The following IL7 variants were observed in gnomAD, a reference collection of about 807,000 sequenced individuals.
IL7 encodes the protein interleukin 7, also known as interleukin-7.
IL7 carries 3 observed loss-of-function variants against 21.6 expected under a neutral mutation model. The observed-to-expected ratio is 0.14, with a 90% CI of 0.06 to 0.36. IL7 has a LOEUF of 0.36. Ranked by LOEUF, IL7 falls within the 10% of genes least tolerant of loss-of-function variation. IL7 has a pLI of 1.00. For synonymous variants in IL7, 62 were observed against 68.1 expected (o/e 0.91, Z 0.44); for missense variants, 175 against 200.2 (o/e 0.87, Z 0.76).
At chr8:78,684,000 T>G (rs1809872557) in intron 4 of IL7, among the ~76,000 whole-genome samples, 1 of 152,222 alleles carries the variant, frequency 6.6e-6, no homozygotes. Context: ...GACTTTGTTG[T>G]CCATATCACT....
intron 3 of IL7, among the ~76,000 whole-genome samples, chr8:78,699,595 T>A (rs1810536315): frequency 6.6e-6 from 1 of 152,130 alleles, no homozygotes; most frequent in Admixed American, 6.5e-5. Context: ...CATCAGTTAT[T>A]TTTCCTGATT....
chr8:78,745,274 T>C (rs2919919), intron 2 of IL7, among the ~76,000 whole-genome samples: 32,805 of 152,266 alleles, frequency 0.22, 3,879 homozygotes, highest in Middle Eastern at 0.35. Context: ...AAAAAATGAA[T>C]CTTCTATTGA....
At chr8:78,778,364 A>T (rs1030796625) in intron 2 of IL7, among the ~76,000 whole-genome samples, 3 of 152,112 alleles carry the variant, frequency 2.0e-5, no homozygotes, top group African/African-American at 7.2e-5. Flanking sequence ...TAAAATTGTT[A>T]TTCCACTCTG....
chr8:78,804,894 A>C lies in IL7; in HGVS notation c.10+19T>G, dbSNP rs747849745. 4 of 1,613,010 alleles carry C rather than the reference A, an allele frequency of 2.5e-6. No homozygotes were observed. The South Asian group carries it at 3.3e-5, about 13-fold the overall frequency. On this transcript the variant is annotated intron_variant, in intron 1 of 5. Coordinates refer to ENST00000263851, the MANE Select transcript of IL7 (RefSeq NM_000880.4). Reference sequence around the variant, plus strand: ...GCGTCGGGCGCGCGAACTTGTGCGCAAGGGAGAAGAGCGCTTACCATGGAA... The same window carrying C: ...GCGTCGGGCGCGCGAACTTGTGCGCCAGGGAGAAGAGCGCTTACCATGGAA...
At chr8:78,784,789 T>C (rs1216820845) in intron 2 of IL7, among the ~76,000 whole-genome samples, 2 of 152,106 alleles carry the variant, frequency 1.3e-5, no homozygotes, top group Admixed American at 6.5e-5. Context: ...GAAGTGAATT[T>C]TGTGCTATCA....
In IL7 at chr8:78,702,862, G is replaced by A. The variant is rs372869236; in HGVS notation, n.215-16915C>T. 5.9e-5 allele frequency among the ~76,000 whole-genome samples: 9 copies of A among 152,068 alleles called. 2 individuals carry two copies. Among genetic ancestry groups the A allele is most frequent in the South Asian group, 2.1e-4 (1 of 4,784 alleles). ...TTTCAGTTCTTTTGCTTTTACTGAG[G>A]ATGTTTTACATCCAATTATGTGATC... On this transcript the variant is annotated intron_variant and non_coding_transcript_variant, in intron 3 of 4. Coordinates refer to the IL7 transcript ENST00000523959.
In IL7 at chr8:78,767,293, G is replaced by A. The variant is rs368554602; in HGVS notation, c.148-27211C>T. Among the ~76,000 whole-genome samples the A allele has an allele frequency of 3.3e-5, 5 of 151,990 alleles. No homozygotes were observed. The East Asian group carries it at 7.7e-4, about 23-fold the overall frequency. ...AACAAGTGAGTGTGTGTGTGTGAGTGTGAACAATCAGGTTAATTTTGGAGT... is the reference window on the plus strand; with the variant it reads ...AACAAGTGAGTGTGTGTGTGTGAGTATGAACAATCAGGTTAATTTTGGAGT... On this transcript the variant is annotated intron_variant, in intron 2 of 5. Transcript: ENST00000263851.
chr8:78,731,400 G>T (rs1285220270), downstream of IL7, among the ~76,000 whole-genome samples: 3 of 151,740 alleles, frequency 2.0e-5, no homozygotes, highest in Non-Finnish European at 2.9e-5. Context: ...TTAAGTTTTA[G>T]AAATGCTATA....
At chr8:78,755,028 C>T (rs2130745214) in intron 2 of IL7, among the ~76,000 whole-genome samples, 1 of 152,170 alleles carries the variant, frequency 6.6e-6, no homozygotes, top group African/African-American at 2.4e-5. Context: ...AGATAGGGGT[C>T]TAGTTTCCTT....
chr8:78,687,033 A>G (rs1025035772), intron 3 of IL7, among the ~76,000 whole-genome samples: 2 of 152,150 alleles, frequency 1.3e-5, no homozygotes, highest in Non-Finnish European at 2.9e-5. Flanking sequence ...TAAAATGTAT[A>G]ATTCATGTGG....
At chr8:78,766,330 G>A (rs776028951) in intron 2 of IL7, among the ~76,000 whole-genome samples, 14 of 152,042 alleles carry the variant, frequency 9.2e-5, no homozygotes, top group Admixed American at 3.9e-4. Flanking sequence ...ATAGACTTTG[G>A]GTGACAATGA....
At chr8:78,712,676 C>T (rs1420894838) in intron 3 of IL7, among the ~76,000 whole-genome samples, 1 of 152,118 alleles carries the variant, frequency 6.6e-6, no homozygotes, top group East Asian at 1.9e-4. Context: ...CCAGTTCTGA[C>T]CTGGCTGGCT....
intron 1 of IL7, among the ~76,000 whole-genome samples, chr8:78,802,437 T>C (rs1021860070): frequency 1.3e-5 from 2 of 150,914 alleles, no homozygotes; most frequent in African/African-American, 2.4e-5. Flanking sequence ...TCTCTCTCTT[T>C]TTTTTTTTTT....
At chr8:78,804,845 C>A in intron 1 of IL7, 68 bp downstream of exon 1, 1 of 1,599,202 alleles carries the variant, frequency 6.3e-7, no homozygotes, top group South Asian at 1.1e-5. Flanking sequence ...CAGGGGCCCC[C>A]AGCGCGTCTG....
At chr8:78,684,113 C>T (rs571268162) in intron 4 of IL7, among the ~76,000 whole-genome samples, 6 of 152,272 alleles carry the variant, frequency 3.9e-5, no homozygotes, top group East Asian at 1.9e-4. Flanking sequence ...AGCCTCTGCT[C>T]GTTACCCAGT....
chr8:78,752,234 A>T (rs1812198477), intron 2 of IL7, among the ~76,000 whole-genome samples: 1 of 152,250 alleles, frequency 6.6e-6, no homozygotes, highest in Non-Finnish European at 1.5e-5. Context: ...TGCAATAAAC[A>T]TTAAGTTACA....
intron 4 of IL7, among the ~76,000 whole-genome samples, chr8:78,738,287 T>C (rs1454633912): frequency 6.6e-6 from 1 of 152,160 alleles, no homozygotes; most frequent in African/African-American, 2.4e-5. Flanking sequence ...ATTTATTTTT[T>C]ACTCCCCTTT....
intron 2 of IL7, among the ~76,000 whole-genome samples, chr8:78,780,104 G>T (rs1374626271): frequency 6.6e-6 from 1 of 152,058 alleles, no homozygotes; most frequent in Non-Finnish European, 1.5e-5. Flanking sequence ...GTTTTATTGT[G>T]TATATTTGAT....
At chr8:78,725,593 G>C (rs1267113150) in intron 3 of IL7, among the ~76,000 whole-genome samples, 1 of 151,948 alleles carries the variant, frequency 6.6e-6, no homozygotes, top group Non-Finnish European at 1.5e-5. Flanking sequence ...GGTCTAACTT[G>C]TGCTTTCCTT....
Sources: gnomAD v4.1 joint callset for allele counts (sites outside exome capture counted in the v4.1 genomes callset) on GRCh38, gnomAD v4.1.1 for gene constraint, MANE v1.5 for transcripts, NCBI Gene and HGNC (gene_info 2026-07-23, HGNC 2026-07-21) for gene names.